The following TIAM2 variants were observed in gnomAD, a reference collection of about 807,000 sequenced individuals.
The protein encoded by TIAM2 is rho guanine nucleotide exchange factor TIAM2.
Under a neutral mutation model 152.9 loss-of-function variants are expected in TIAM2, and 80 were observed. The observed-to-expected ratio is 0.52, with a 90% confidence interval of 0.44 to 0.63. The LOEUF is 0.63. Among genes scored for constraint, TIAM2 ranks in the 30% least tolerant of loss-of-function variants. TIAM2 has a pLI of 0.00. For missense variants in TIAM2, 1,965 were observed against 2,120.1 expected (o/e 0.93, Z 1.44); for synonymous variants, 804 against 838.0 (o/e 0.96, Z 0.70).
At chr6:155,247,554 G>A (rs1036618721) in intron 19 of TIAM2, among the ~76,000 whole-genome samples, 3 of 152,050 alleles carry the variant, frequency 2.0e-5, no homozygotes, top group Non-Finnish European at 2.9e-5. Context: ...TCTCGAACTC[G>A]TGACCTCAGG....
chr6:155,248,264 C>T (rs1473445387), intron 20 of TIAM2, 85 bp downstream of exon 20: 2 of 1,450,468 alleles, frequency 1.4e-6, no homozygotes, highest in East Asian at 2.4e-5. Context: ...GACAGCTCAC[C>T]TCTTCCCCGC....
At position 155,082,665 on chromosome 6, in the gene TIAM2, C is replaced by CAAATAAATAAATAAATAAATAAAT. The variant is rs765607888; in HGVS notation, c.-208-7624_-208-7623insAAATAAATAAATAAATAAATAAAT. On this transcript the variant is annotated intron_variant, in intron 1 of 26. Coordinates refer to ENST00000682666, the MANE Select transcript of TIAM2 (RefSeq NM_012454.4). Reference sequence around the variant, plus strand: ...AACTCCATCTCAACCCAAAAAAACCCCAATAAATAAATAAATAAATAAATA... The same window carrying CAAATAAATAAATAAATAAATAAAT: ...AACTCCATCTCAACCCAAAAAAACCCAAATAAATAAATAAATAAATAAATCAATAAATAAATAAATAAATAAATA... Among the ~76,000 whole-genome samples, 158 of 93,394 alleles carry CAAATAAATAAATAAATAAATAAAT rather than the reference C, an allele frequency of 1.7e-3. 1 individual carries two copies. The highest frequency in any genetic ancestry group is 5.7e-3 in the Middle Eastern group (1 of 174). The allele number at this position is 93,394 out of a possible 152,430, so 61.3% of individuals were successfully genotyped here. A position where few individuals can be genotyped will look rare whatever the true frequency, so the allele number is the denominator to read the frequency against.
At chr6:155,070,408 G>A (rs1404855231) in intron 1 of TIAM2, among the ~76,000 whole-genome samples, 1 of 150,852 alleles carries the variant, frequency 6.6e-6, no homozygotes, top group Non-Finnish European at 1.5e-5. Context: ...GTAGAGATGG[G>A]GTTTCACCAT....
intron 1 of TIAM2, among the ~76,000 whole-genome samples, chr6:155,011,365 G>A (rs372776807): frequency 1.1e-4 from 16 of 152,242 alleles, no homozygotes; most frequent in African/African-American, 3.1e-4. Flanking sequence ...TGCCTTCCAT[G>A]AGTTTGTTTC....
intron 1 of TIAM2, among the ~76,000 whole-genome samples, chr6:155,026,500 C>T (rs1006982401): frequency 4.6e-5 from 7 of 152,142 alleles, no homozygotes; most frequent in African/African-American, 1.2e-4. Context: ...CATCATGTTT[C>T]GAAGGGCATG....
At chr6:155,110,768 TAA>T (rs917826909) in intron 2 of TIAM2, among the ~76,000 whole-genome samples, 1 of 152,150 alleles carries the variant, frequency 6.6e-6, no homozygotes, top group Non-Finnish European at 1.5e-5. Flanking sequence ...TTTGGAAAAG[TAA>T]AGTTTACACA....
intron 9 of TIAM2, among the ~76,000 whole-genome samples, chr6:155,168,324 T>C (rs899612627): frequency 3.9e-5 from 6 of 152,194 alleles, no homozygotes; most frequent in African/African-American, 1.4e-4. Context: ...ACATGTACTT[T>C]TTGGTTAAAA....
intron 1 of TIAM2, among the ~76,000 whole-genome samples, chr6:155,071,536 A>G (rs1777837118): frequency 6.6e-6 from 1 of 152,218 alleles, no homozygotes; most frequent in Admixed American, 6.5e-5. Flanking sequence ...ATGGGCATGC[A>G]AGTGAATACT....
In TIAM2 at chr6:155,023,704, G is replaced by C. The variant is rs185349217; in HGVS notation, c.-209+28212G>C. 1.9e-3 allele frequency among the ~76,000 whole-genome samples: 282 copies of C among 152,288 alleles called. 1 individual carries two copies. The highest frequency in any genetic ancestry group is 0.012 in the Admixed American group (182 of 15,290). On this transcript the variant is annotated intron_variant, in intron 1 of 26. Transcript: ENST00000682666. ...TGAGATTTAGTCAGCTTTCCTTGCA[G>C]GCGGAGCCTCCAAGGAAATACTCAT... is the stretch of plus-strand genomic sequence containing the variant.
intron 1 of TIAM2, among the ~76,000 whole-genome samples, chr6:155,018,241 A>AT (rs1024411482): frequency 4.0e-5 from 6 of 151,246 alleles, no homozygotes; most frequent in African/African-American, 1.5e-4. Flanking sequence ...GTCTCGAAAA[A>AT]AAAAAAGGTG....
intron 19 of TIAM2, 21 bp from the exon 20 acceptor site, chr6:155,247,979 C>A (rs767220252): frequency 6.2e-7 from 1 of 1,611,222 alleles, no homozygotes; most frequent in Non-Finnish European, 8.5e-7. Context: ...CTTCTGAGGT[C>A]TTTTATCCAT....
intron 14 of TIAM2, among the ~76,000 whole-genome samples, chr6:155,198,789 A>T (rs1253630956): frequency 1.3e-5 from 2 of 151,588 alleles, no homozygotes; most frequent in Non-Finnish European, 2.9e-5. Context: ...TTTCTTCTTT[A>T]TAAATCTGAT....
At chr6:155,098,233 G>A (rs552095889) in intron 2 of TIAM2, among the ~76,000 whole-genome samples, 1 of 152,176 alleles carries the variant, frequency 6.6e-6, no homozygotes, top group Non-Finnish European at 1.5e-5. Context: ...TATTTTGATA[G>A]GGATTGCATT....
In TIAM2 at chr6:155,129,674, C is replaced by A; in HGVS notation, c.451C>A (p.Pro151Thr). 6.2e-7 allele frequency: 1 copy of A among 1,614,116 alleles called. No individual in the cohort carries two copies. Among genetic ancestry groups the A allele is most frequent in the Non-Finnish European group, 8.5e-7 (1 of 1,180,030 alleles). ...GAGGAATGAGAGCATTGCCTCCACCCCACCGGGCGAAGACCGCAAGAGCCC... is the reference window on the plus strand; with the variant it reads ...GAGGAATGAGAGCATTGCCTCCACCACACCGGGCGAAGACCGCAAGAGCCC... ...YGRNESIASTPPGEDRKSPRV... is the reference protein window; with the variant it reads ...YGRNESIASTTPGEDRKSPRV... Residue 151 changes from proline (P) to threonine (T), a missense_variant, in exon 4 of 27, where the codon CCA (proline) becomes ACA (threonine). This residue lies in a region of TIAM2 where 1,025 missense variants were observed against 1,119.4 expected (regional missense o/e 0.92). Coordinates refer to ENST00000682666, the MANE Select transcript of TIAM2 (RefSeq NM_012454.4). This position sits in a 1 kb window ranked among gnomAD's most constrained non-coding sequence, Gnocchi z 4.8.
intron 9 of TIAM2, among the ~76,000 whole-genome samples, chr6:155,168,318 G>A (rs1403578471): frequency 1.3e-5 from 2 of 152,192 alleles, no homozygotes; most frequent in South Asian, 4.1e-4. Flanking sequence ...TCAGAAACAT[G>A]TACTTTTTGG....
chr6:155,191,322 C>T (rs1271960174), intron 14 of TIAM2, among the ~76,000 whole-genome samples: 3 of 152,182 alleles, frequency 2.0e-5, no homozygotes, highest in South Asian at 2.1e-4. Flanking sequence ...GTAGGAGCAA[C>T]GGACTAGTAT....
chr6:155,204,053 A>G (rs968725233), intron 14 of TIAM2, among the ~76,000 whole-genome samples: 4 of 152,156 alleles, frequency 2.6e-5, no homozygotes, highest in Non-Finnish European at 5.9e-5. Flanking sequence ...TAGTTGGGAC[A>G]TGGTTGCTGG....
chr6:155,125,479 T>C (rs1779269323), intron 2 of TIAM2, among the ~76,000 whole-genome samples: 1 of 152,226 alleles, frequency 6.6e-6, no homozygotes, highest in Non-Finnish European at 1.5e-5. Context: ...GGAACTCTGC[T>C]GCACTGTTGG....
chr6:155,230,855 A>G (rs1234238271), intron 15 of TIAM2, among the ~76,000 whole-genome samples: 2 of 146,128 alleles, frequency 1.4e-5, no homozygotes, highest in Non-Finnish European at 3.0e-5. Flanking sequence ...TTTTTTTGAG[A>G]TGGAGTCTCG....
Sources: allele counts gnomAD v4.1 joint callset (sites outside exome capture counted in the v4.1 genomes callset), GRCh38; gene constraint gnomAD v4.1.1; regional missense constraint gnomAD v4.1.1; non-coding constraint Gnocchi (gnomAD v3.1); transcripts MANE v1.5; gene names NCBI Gene and HGNC (gene_info 2026-07-23, HGNC 2026-07-21).